Variants in CORO7 observed in about 807,000 individuals in gnomAD.
CORO7 encodes the protein coronin 7.
In CORO7, 107 loss-of-function variants were observed where a neutral mutation model predicts 126.6. The observed-to-expected ratio is 0.85, with a 90% CI of 0.72 to 0.99. The LOEUF is 0.99. Among genes scored for constraint, CORO7 ranks in the 50% least tolerant of loss-of-function variants. CORO7 has a pLI of 0.00. For missense variants in CORO7, 1,314 were observed against 1,255.8 expected (o/e 1.05, Z -0.70); for synonymous variants, 603 against 536.8 (o/e 1.12, Z -1.70).
chr16:4,411,626 CT>C (rs2056212213), intron 3 of CORO7, among the ~76,000 whole-genome samples: 1 of 152,120 alleles, frequency 6.6e-6, no homozygotes, highest in Non-Finnish European at 1.5e-5. Flanking sequence ...TAAATCTTTA[CT>C]ATTGTTATTA....
rs551627202 is a variant in CORO7 at position 4,354,786 on chromosome 16, C to T, written c.*372G>A. 3 of 286,972 alleles carry T rather than the reference C, an allele frequency of 1.0e-5. No homozygotes were observed. The highest frequency in any genetic ancestry group is 2.2e-5 in the African/African-American group (1 of 46,302). 17.8% of individuals were successfully genotyped at this position (286,972 alleles called of 1,614,324 possible). A position where few individuals can be genotyped will look rare whatever the true frequency, so the allele number is the denominator to read the frequency against. ...TGGAACAGCAGGCAAGATGGGGCAG[C>T]GTGGGGTGACCAAAGATCCTGGATG... On this transcript the variant is annotated 3_prime_UTR_variant, in exon 28 of 28. Transcript: ENST00000251166.
chr16:4,395,371 G>A (rs750870756), intron 6 of CORO7, 32 bp from the exon 7 acceptor site: 22 of 1,613,608 alleles, frequency 1.4e-5, no homozygotes, highest in East Asian at 2.2e-5. Context: ...AACAACTTGC[G>A]ATTAGGGCTG....
intron 19 of CORO7, 38 bp from the exon 20 acceptor site, chr16:4,360,586 C>T: frequency 1.0e-5 from 16 of 1,555,524 alleles, no homozygotes; most frequent in Non-Finnish European, 1.4e-5. Context: ...AGCCTTGCTT[C>T]ACTGCTGGCC....
chr16:4,357,308 C>T, intron 25 of CORO7, 49 bp from the exon 26 acceptor site: 2 of 1,409,236 alleles, frequency 1.4e-6, no homozygotes, highest in Non-Finnish European at 1.9e-6. Flanking sequence ...CGTTAGGGCT[C>T]TTTGGTGCCA....
chr16:4,387,786 T>G lies in CORO7; in HGVS notation c.785+200A>C. 4 of 643,710 alleles carry G rather than the reference T, an allele frequency of 6.2e-6. No homozygotes were observed. The South Asian group carries it at 7.7e-5, about 12-fold the overall frequency. The allele number at this position is 643,710 out of a possible 1,614,324, so 39.9% of individuals were successfully genotyped here. On this transcript the variant is annotated intron_variant, in intron 9 of 27. Transcript: ENST00000251166. ...TGCTACCAGGGGCCAGAGGGGCACC[T>G]GAGCACCTGCTGCTCGTGACATCTG...
In CORO7 at chr16:4,354,897, T is replaced by C. The variant is rs777846274; in HGVS notation, c.*261A>G. 1.4e-5 allele frequency: 6 copies of C among 435,898 alleles called. No individual in the cohort carries two copies. Among genetic ancestry groups the C allele is most frequent in the South Asian group, 1.6e-4 (2 of 12,612 alleles). The allele number at this position is 435,898 out of a possible 1,614,324, so 27.0% of individuals were successfully genotyped here. A position where few individuals can be genotyped will look rare whatever the true frequency, so the allele number is the denominator to read the frequency against. ...CAGGGCCTGCCCAGGGACATGCTGC[T>C]GACCCCCCGCCACCCTGCACCCCTG... On this transcript the variant is annotated 3_prime_UTR_variant, in exon 28 of 28. Coordinates refer to ENST00000251166, the MANE Select transcript of CORO7 (RefSeq NM_024535.5).
intron 6 of CORO7, among the ~76,000 whole-genome samples, chr16:4,396,810 G>A (rs541197269): frequency 6.6e-6 from 1 of 152,108 alleles, no homozygotes; most frequent in East Asian, 1.9e-4. Context: ...GAGGTCAGGA[G>A]TTTGAGACTA....
intron 7 of CORO7, among the ~76,000 whole-genome samples, chr16:4,393,164 C>T (rs114232925): frequency 6.6e-6 from 1 of 152,146 alleles, no homozygotes; most frequent in Non-Finnish European, 1.5e-5. Flanking sequence ...AGGTCGGGGG[C>T]AGAAGCATAG....
Position 4,362,126 on chromosome 16 carries a change from A to G in CORO7, c.1437T>C (p.Thr479=). The part of the protein sequence containing the change: ...PSSKFRHAQG[T]VLHRDSHITN... ...TGATGTGGCTGTCTCGGTGCAGGAC[A>G]GTGCCCTGAGCATGGCGGAACTTGG... The change falls in exon 16 of 28, where the codon ACT becomes ACC. Residue 479 remains threonine (T), a synonymous_variant. Transcript: ENST00000251166. The surrounding 1 kb of genome is among the most constrained non-coding windows in gnomAD (Gnocchi z 5.3). 6.2e-7 allele frequency: 1 copy of G among 1,611,744 alleles called. No individual in the cohort carries two copies. The highest frequency in any genetic ancestry group is 8.5e-7 in the Non-Finnish European group (1 of 1,179,478).
At chr16:4,356,813 G>GT (rs2053991327) in intron 26 of CORO7, 1 of 285,806 alleles carries the variant, frequency 3.5e-6, no homozygotes, top group African/African-American at 2.3e-5. Context: ...GACAGGGGGA[G>GT]TAAGAGACTG....
intron 6 of CORO7, among the ~76,000 whole-genome samples, chr16:4,404,732 T>C (rs1433049418): frequency 6.6e-6 from 1 of 151,936 alleles, no homozygotes; most frequent in Non-Finnish European, 1.5e-5. Context: ...CTCCAACACT[T>C]GGCTTCCTCC....
intron 14 of CORO7, 102 bp downstream of exon 14, chr16:4,364,174 A>C: frequency 7.3e-7 from 1 of 1,375,950 alleles, no homozygotes; most frequent in South Asian, 1.7e-5. Context: ...TGACAGAGTG[A>C]GACACTGTCT....
At chr16:4,369,693 C>G (rs1236604656) in intron 9 of CORO7, among the ~76,000 whole-genome samples, 1 of 152,208 alleles carries the variant, frequency 6.6e-6, no homozygotes, top group Non-Finnish European at 1.5e-5. Flanking sequence ...AAGGCTCCTC[C>G]TCTGTCCTCC....
At chr16:4,364,517 C>A in intron 13 of CORO7, 80 bp downstream of exon 13, 1 of 1,502,328 alleles carries the variant, frequency 6.7e-7, no homozygotes, top group Non-Finnish European at 8.9e-7. Context: ...CCCAGCAGGC[C>A]AGACTGAGTT....
intron 25 of CORO7, 57 bp from the exon 26 acceptor site, chr16:4,357,316 C>T (rs1345934581): frequency 2.0e-6 from 3 of 1,480,062 alleles, no homozygotes; most frequent in East Asian, 2.4e-5. Flanking sequence ...CTCTTTGGTG[C>T]CAAGCCCTCG....
rs1423439731 is a variant in CORO7 at position 4,391,848 on chromosome 16, A to C, written c.616-3217T>G. Among the ~76,000 whole-genome samples the C allele has an allele frequency of 2.0e-5, 3 of 152,302 alleles. 1 individual carries two copies. Among genetic ancestry groups the C allele is most frequent in the African/African-American group, 7.2e-5 (3 of 41,566 alleles). On this transcript the variant is annotated intron_variant, in intron 7 of 27. Coordinates refer to ENST00000251166, the MANE Select transcript of CORO7 (RefSeq NM_024535.5). The stretch of plus-strand genomic sequence containing the variant: ...CATCCTGCTACCCTGCAGCCCCAAG[A>C]GGGCCCCCACCACCTAGCTCTGAGA...
chr16:4,364,303 C>T lies in CORO7; in HGVS notation c.1248G>A (p.Glu416=), dbSNP rs575522906. The change falls in exon 14 of 28, where the codon GAG becomes GAA. Residue 416 remains glutamate, a synonymous_variant. Coordinates refer to ENST00000251166, the MANE Select transcript of CORO7 (RefSeq NM_024535.5). The part of the protein sequence containing the change: ...LPDTAQPAVM[E]TPVGDADASE... Reference sequence around the variant, plus strand: ...TTGCGTCTGCATCACCCACGGGTGTCTCCATCACCGCAGGCTGGGCTGTGT... The same window carrying T: ...TTGCGTCTGCATCACCCACGGGTGTTTCCATCACCGCAGGCTGGGCTGTGT... 1.5e-4 allele frequency: 233 copies of T among 1,549,788 alleles called. 2 individuals are homozygous for T. In the South Asian group the frequency reaches 2.6e-3, roughly 18 times the overall value.
At chr16:4,412,516 C>A in intron 2 of CORO7, 86 bp from the exon 3 acceptor site, 2 of 1,451,076 alleles carry the variant, frequency 1.4e-6, no homozygotes. Flanking sequence ...TGAAATCCAG[C>A]AGCTCAGCCT....
At chr16:4,384,375 C>G (rs2055116883) in intron 9 of CORO7, among the ~76,000 whole-genome samples, 1 of 152,162 alleles carries the variant, frequency 6.6e-6, no homozygotes, top group Non-Finnish European at 1.5e-5. Flanking sequence ...GTGCAGGGGG[C>G]TTGGGGACAG....
Sources: allele counts gnomAD v4.1 joint callset (sites outside exome capture counted in the v4.1 genomes callset), GRCh38; gene constraint gnomAD v4.1.1; non-coding constraint Gnocchi (gnomAD v3.1); transcripts MANE v1.5; gene names NCBI Gene and HGNC (gene_info 2026-07-23, HGNC 2026-07-21).